ROCK2: variants seen among roughly 807,000 people sequenced by gnomAD.
ROCK2 encodes the protein rho-associated protein kinase 2.
In ROCK2, 61 loss-of-function variants were observed where a neutral mutation model predicts 195.1. That is an observed-to-expected ratio of 0.31 (90% CI 0.25 to 0.39). The LOEUF is 0.39. Ranked by LOEUF, ROCK2 falls within the 10% of genes least tolerant of loss-of-function variation. The probability of loss-of-function intolerance (pLI) is 1.00; values close to 1 mark genes in which losing one functional copy is unlikely to be tolerated. For synonymous variants in ROCK2, 504 were observed against 545.5 expected (o/e 0.92, Z 1.06); for missense variants, 1,109 against 1,637.4 (o/e 0.68, Z 5.57).
At chr2:11,306,679 C>T (rs912616671) in intron 1 of ROCK2, among the ~76,000 whole-genome samples, 3 of 152,156 alleles carry the variant, frequency 2.0e-5, no homozygotes, top group Non-Finnish European at 4.4e-5. Context: ...AAAAGAACTC[C>T]GCTGTTAACT....
At chr2:11,224,257 C>T in intron 7 of ROCK2, 65 bp downstream of exon 7, 1 of 1,407,352 alleles carries the variant, frequency 7.1e-7, no homozygotes, top group Non-Finnish European at 9.8e-7. Context: ...ATAAGCTAGG[C>T]ATGCTTTTAT....
intron 3 of ROCK2, 136 bp downstream of exon 3, chr2:11,286,403 G>A (rs956447629): frequency 8.3e-6 from 5 of 603,900 alleles, no homozygotes; most frequent in African/African-American, 5.6e-5. Context: ...TTTTATAGAT[G>A]AGGACACTGA....
chr2:11,248,226 G>T (rs571429721), intron 4 of ROCK2, among the ~76,000 whole-genome samples: 3 of 151,056 alleles, frequency 2.0e-5, no homozygotes, highest in African/African-American at 7.3e-5. Flanking sequence ...GGGGGGGATG[G>T]GGGGAGGGGA....
chr2:11,187,574 C>T (rs181544037), intron 32 of ROCK2, among the ~76,000 whole-genome samples: 2 of 152,116 alleles, frequency 1.3e-5, no homozygotes, highest in Non-Finnish European at 2.9e-5. Context: ...TGCCTGCATG[C>T]GCCTCATTAA....
chr2:11,296,894 T>C (rs1477960147), intron 1 of ROCK2, among the ~76,000 whole-genome samples: 1 of 152,176 alleles, frequency 6.6e-6, no homozygotes, highest in Non-Finnish European at 1.5e-5. Context: ...GTTATGAATG[T>C]ACTTATGTTT....
At chr2:11,317,599 TATATA>T (rs1204945187) in intron 1 of ROCK2, among the ~76,000 whole-genome samples, 17 of 17,374 alleles carry the variant, frequency 9.8e-4, no homozygotes, top group East Asian at 7.9e-3. Context: ...TATATATATA[TATATA>T]TATATATATT....
At chr2:11,333,913 GC>G (rs906958048) in intron 1 of ROCK2, among the ~76,000 whole-genome samples, 5 of 152,104 alleles carry the variant, frequency 3.3e-5, no homozygotes, top group Non-Finnish European at 5.9e-5. Flanking sequence ...AAGCTGTTCA[GC>G]CCCCATGAGG....
rs1463494030 is a variant in ROCK2 at position 11,224,384 on chromosome 2, G to C, written c.945C>G (p.Phe315Leu). Reference sequence around the variant, plus strand: ...GTTTGGAAATTTCTGCATCTTCAGGGAAACACAGTGAATTCTTATGATCCA... The same window carrying C: ...GTTTGGAAATTTCTGCATCTTCAGGCAAACACAGTGAATTCTTATGATCCA... ...KIMDHKNSLCFPEDAEISKHA... is the reference protein window; with the variant it reads ...KIMDHKNSLCLPEDAEISKHA... Residue 315 changes from phenylalanine (F) to leucine (L), a missense_variant, in exon 7 of 33, where the codon TTC becomes TTG. Phe to Leu is a conservative substitution (Grantham distance 22). Around this residue, in one of 6 missense-constraint regions of ROCK2, gnomAD observed 253 missense variants for 455.5 expected, o/e 0.56. Transcript: ENST00000315872. The C allele has an allele frequency of 1.2e-6, 2 of 1,613,010 alleles. No homozygotes were observed. Among genetic ancestry groups the C allele is most frequent in the East Asian group, 4.5e-5 (2 of 44,816 alleles).
Position 11,219,036 on chromosome 2 carries a change from A to AG in ROCK2, c.1260-11dup. The AG allele has an allele frequency of 7.1e-7, 1 of 1,401,886 alleles. No individual in the cohort carries two copies. Among genetic ancestry groups the AG allele is most frequent in the Non-Finnish European group, 9.7e-7 (1 of 1,026,752 alleles). The allele number at this position is 1,401,886 out of a possible 1,614,324, so 86.8% of individuals were successfully genotyped here. A position where few individuals can be genotyped will look rare whatever the true frequency, so the allele number is the denominator to read the frequency against. On this transcript the variant is annotated splice_polypyrimidine_tract_variant and intron_variant, in intron 9 of 32. Coordinates refer to ENST00000315872, the MANE Select transcript of ROCK2 (RefSeq NM_004850.5). ...AGAGTCACTTAATAATCTACATGGA[A>AG]GGGGGGAGAAAATAAATTTTTTCAT...
intron 29 of ROCK2, 176 bp from the exon 30 acceptor site, chr2:11,194,033 C>A: frequency 2.2e-6 from 1 of 450,826 alleles, no homozygotes; most frequent in South Asian, 5.8e-5. Flanking sequence ...ACCTCTATGT[C>A]AGAAATTTTC....
Position 11,235,015 on chromosome 2 carries a change from A to G in ROCK2, c.723+687T>C, listed in dbSNP as rs999103127. ...TTGCTGTCAATATATATTAACATTT[A>G]TAAGTCGACTCCTAGGACCAACAGG... On this transcript the variant is annotated intron_variant, in intron 5 of 32. Coordinates refer to ENST00000315872, the MANE Select transcript of ROCK2 (RefSeq NM_004850.5). The surrounding 1 kb of genome is among the most constrained non-coding windows in gnomAD (Gnocchi z 4.2). Among the ~76,000 whole-genome samples, 5 of 152,196 alleles carry G rather than the reference A, an allele frequency of 3.3e-5. No individual in the cohort carries two copies. Among genetic ancestry groups the G allele is most frequent in the African/African-American group, 1.2e-4 (5 of 41,454 alleles).
rs1663692127 is a variant in ROCK2 at position 11,197,713 on chromosome 2, A to G, written c.3100-8T>C. 2 of 1,524,932 alleles carry G rather than the reference A, an allele frequency of 1.3e-6. No individual in the cohort carries two copies. The highest frequency in any genetic ancestry group is 4.3e-5 in the Admixed American group (2 of 46,406). The allele number at this position is 1,524,932 out of a possible 1,614,324, so 94.5% of individuals were successfully genotyped here. ...AGCCAACTTATTCACAGCCTTAAAA[A>G]ATGTAAAAATAAATATAATACATAA... On this transcript the variant is annotated splice_region_variant and splice_polypyrimidine_tract_variant and intron_variant, in intron 25 of 32. Coordinates refer to ENST00000315872, the MANE Select transcript of ROCK2 (RefSeq NM_004850.5). The surrounding 1 kb of genome is among the most constrained non-coding windows in gnomAD (Gnocchi z 4.9).
chr2:11,201,178 G>C lies in ROCK2; in HGVS notation c.2724-35C>G, dbSNP rs368148219. ...AGCAATATATCATTTTAATGGTTCA[G>C]TTTTCACTATGAAGTGAAAGTTTTT... On this transcript the variant is annotated intron_variant, in intron 22 of 32. Coordinates refer to ENST00000315872, the MANE Select transcript of ROCK2 (RefSeq NM_004850.5). This position sits in a 1 kb window ranked among gnomAD's most constrained non-coding sequence, Gnocchi z 4.6. The C allele has an allele frequency of 2.4e-4, 374 of 1,570,920 alleles. 1 individual carries two copies. Among genetic ancestry groups the C allele is most frequent in the Non-Finnish European group, 3.0e-4 (350 of 1,159,192 alleles).
chr2:11,214,404 C>T lies in ROCK2; in HGVS notation c.1996G>A (p.Glu666Lys). Residue 666 changes from glutamate to lysine, a missense_variant, in exon 17 of 33, where the codon GAA becomes AAA. Physicochemically the swap from Glu to Lys is moderately conservative, Grantham distance 56 (BLOSUM62 1). This residue lies in a region of ROCK2 where 542 missense variants were observed against 672.0 expected (regional missense o/e 0.81). Coordinates refer to ENST00000315872, the MANE Select transcript of ROCK2 (RefSeq NM_004850.5). ...TCCTGAAGTTGTCTCTTCTCCAGTTCTACTTTCGCTAGTAAGATTTTGCCG... is the reference window on the plus strand; with the variant it reads ...TCCTGAAGTTGTCTCTTCTCCAGTTTTACTTTCGCTAGTAAGATTTTGCCG... ...KNGKILLAKV[E>K]LEKRQLQERF... 6.8e-6 allele frequency: 11 copies of T among 1,610,694 alleles called. No homozygotes were observed. Among genetic ancestry groups the T allele is most frequent in the Non-Finnish European group, 8.5e-6 (10 of 1,177,502 alleles).
chr2:11,197,728 A>G lies in ROCK2; in HGVS notation c.3100-23T>C, dbSNP rs369454505. On this transcript the variant is annotated intron_variant, in intron 25 of 32. Transcript: ENST00000315872. This position sits in a 1 kb window ranked among gnomAD's most constrained non-coding sequence, Gnocchi z 4.9. ...AGCCTTAAAAAATGTAAAAATAAAT[A>G]TAATACATAAATAAAATAAATTACG... 193 of 1,447,818 alleles carry G rather than the reference A, an allele frequency of 1.3e-4. 2 individuals carry two copies. The Middle Eastern group carries it at 1.5e-3, about 11-fold the overall frequency. The allele number at this position is 1,447,818 out of a possible 1,614,324, so 89.7% of individuals were successfully genotyped here. A position where few individuals can be genotyped will look rare whatever the true frequency, so the allele number is the denominator to read the frequency against.
chr2:11,343,874 A>G, intron 1 of ROCK2, 122 bp downstream of exon 1: 2 of 1,267,668 alleles, frequency 1.6e-6, no homozygotes, highest in Non-Finnish European at 2.1e-6. Flanking sequence ...GGCTGCCGGA[A>G]GCAGGGCGGG....
rs190362843 is a variant in ROCK2 at position 11,224,992 on chromosome 2, T to C, written c.869-532A>G. On this transcript the variant is annotated intron_variant, in intron 6 of 32. Coordinates refer to ENST00000315872, the MANE Select transcript of ROCK2 (RefSeq NM_004850.5). ...ATGTTGTAACCAATGGTCACCACAC[T>C]GGACAGCACAGATTTAAATCATTTA... Among the ~76,000 whole-genome samples the C allele has an allele frequency of 1.4e-3, 220 of 152,314 alleles. 2 individuals are homozygous for C. Among genetic ancestry groups the C allele is most frequent in the Admixed American group, 0.013 (199 of 15,294 alleles).
In ROCK2 at chr2:11,207,930, C is replaced by G. The variant is rs1269955996; in HGVS notation, c.2365-20G>C. ...TCTAACCTAAGAAATAAATTGTGTA[C>G]TTGGTATATAAGTAAATTATTTCCA... On this transcript the variant is annotated intron_variant, in intron 19 of 32. Coordinates refer to ENST00000315872, the MANE Select transcript of ROCK2 (RefSeq NM_004850.5). The G allele has an allele frequency of 1.4e-5, 21 of 1,501,774 alleles. No homozygotes were observed. The highest frequency in any genetic ancestry group is 1.9e-5 in the Non-Finnish European group (21 of 1,116,380). The allele number at this position is 1,501,774 out of a possible 1,614,324, so 93.0% of individuals were successfully genotyped here.
rs144447523 is a variant in ROCK2 at position 11,213,320 on chromosome 2, C to T, written c.2043+1037G>A. 6.1e-4 allele frequency among the ~76,000 whole-genome samples: 93 copies of T among 152,246 alleles called. 1 individual carries two copies. In the East Asian group the frequency reaches 0.016, roughly 27 times the overall value. On this transcript the variant is annotated intron_variant, in intron 17 of 32. Transcript: ENST00000315872. ...AAGCCCTTAAGTGGCTAGCCCATTA[C>T]TACATTCAAAATTTCTTAATAGAGT...
Sources: gnomAD v4.1 joint callset for allele counts (sites outside exome capture counted in the v4.1 genomes callset) on GRCh38, gnomAD v4.1.1 for gene constraint, gnomAD v4.1.1 regional missense constraint, Gnocchi (gnomAD v3.1) non-coding constraint, MANE v1.5 for transcripts, NCBI Gene and HGNC (gene_info 2026-07-23, HGNC 2026-07-21) for gene names.